CCDC6: variants seen among roughly 807,000 people sequenced by gnomAD.
CCDC6 encodes the protein coiled-coil domain-containing protein 6.
CCDC6 carries 20 observed loss-of-function variants against 56.6 expected under a neutral mutation model. The ratio of observed to expected loss-of-function variants is 0.35; its 90% CI spans 0.25 to 0.51. The LOEUF (loss-of-function observed/expected upper bound fraction) is 0.51, where lower values mean the gene tolerates loss of function less well. CCDC6 is among the 20% of genes least tolerant of loss of function. CCDC6 has a pLI of 0.95. For synonymous variants in CCDC6, 241 were observed against 234.4 expected (o/e 1.03, Z -0.26); for missense variants, 367 against 601.1 (o/e 0.61, Z 4.07).
intron 1 of CCDC6, among the ~76,000 whole-genome samples, chr10:59,859,195 T>TGC (rs59814057): frequency 0.024 from 2,858 of 118,378 alleles, 64 homozygotes; most frequent in African/African-American, 0.065. Context: ...AATACATGTG[T>TGC]GTGCGTGTGT....
chr10:59,846,654 T>C (rs2070995032), intron 2 of CCDC6, among the ~76,000 whole-genome samples: 1 of 152,226 alleles, frequency 6.6e-6, no homozygotes, highest in Non-Finnish European at 1.5e-5. Context: ...CAGCATTATT[T>C]TCTCAGAATC....
rs368004720 is a variant in CCDC6 at position 59,844,367 on chromosome 10, G to GA, written c.453+8185dup. On this transcript the variant is annotated intron_variant, in intron 2 of 8. Transcript: ENST00000263102. ...AAGTTTGAGTTTCCTGGATTTCCAG[G>GA]AGCATGATGCCACTAAAAGCATTAA... is the stretch of plus-strand genomic sequence containing the variant. Among the ~76,000 whole-genome samples, 444 of 150,680 alleles carry GA rather than the reference G, an allele frequency of 2.9e-3. 3 individuals carry two copies. The highest frequency in any genetic ancestry group is 0.01 in the African/African-American group (428 of 40,822).
chr10:59,892,237 C>T (rs2071427369), intron 1 of CCDC6, among the ~76,000 whole-genome samples: 1 of 152,196 alleles, frequency 6.6e-6, no homozygotes, highest in Non-Finnish European at 1.5e-5. Context: ...GCCGATAGTA[C>T]TAAAGTCAGA....
intron 3 of CCDC6, among the ~76,000 whole-genome samples, chr10:59,829,541 T>A (rs140642133): frequency 2.0e-5 from 3 of 152,222 alleles, no homozygotes; most frequent in Non-Finnish European, 4.4e-5. Context: ...AAACGATAAA[T>A]GGATAATTGA....
Position 59,816,792 on chromosome 10 carries a change from T to C in CCDC6, c.583-2037A>G, listed in dbSNP as rs78567268. Among the ~76,000 whole-genome samples, 193 of 152,318 alleles carry C rather than the reference T, an allele frequency of 1.3e-3. 7 individuals are homozygous for C. In the East Asian group the frequency reaches 0.032, roughly 26 times the overall value. ...GACTTGTCTTGTCTGTTTCATTCCT[T>C]AGTACATCCTCAGTATCTAGAATAA... On this transcript the variant is annotated intron_variant, in intron 3 of 8. Transcript: ENST00000263102.
intron 1 of CCDC6, among the ~76,000 whole-genome samples, chr10:59,873,528 C>T (rs2071250560): frequency 6.6e-6 from 1 of 152,114 alleles, no homozygotes; most frequent in Non-Finnish European, 1.5e-5. Context: ...CTGGCCCCTC[C>T]AGAACTGTGA....
intron 1 of CCDC6, among the ~76,000 whole-genome samples, chr10:59,904,887 C>T (rs1051218015): frequency 3.3e-5 from 5 of 152,262 alleles, no homozygotes; most frequent in African/African-American, 9.6e-5. Flanking sequence ...CACATATACA[C>T]AGCCTCCTCC....
At chr10:59,873,172 T>C (rs1430889928) in intron 1 of CCDC6, among the ~76,000 whole-genome samples, 3 of 152,184 alleles carry the variant, frequency 2.0e-5, no homozygotes, top group African/African-American at 7.2e-5. Flanking sequence ...TTTTATGGGA[T>C]GGACTGTGTC....
At chr10:59,899,022 T>C (rs986351471) in intron 1 of CCDC6, among the ~76,000 whole-genome samples, 2 of 152,176 alleles carry the variant, frequency 1.3e-5, no homozygotes, top group African/African-American at 4.8e-5. Context: ...AAAGTGACCT[T>C]TGCAATTTAC....
At chr10:59,813,718 C>T (rs1037142317) in intron 4 of CCDC6, among the ~76,000 whole-genome samples, 5 of 152,154 alleles carry the variant, frequency 3.3e-5, no homozygotes, top group African/African-American at 7.2e-5. Flanking sequence ...AATGACTTTT[C>T]GTAATTCAAC....
At chr10:59,836,052 T>TTAAA (rs777308614) in intron 2 of CCDC6, among the ~76,000 whole-genome samples, 1,105 of 57,570 alleles carry the variant, frequency 0.019, 24 homozygotes, top group African/African-American at 0.066. Context: ...CGACCCTGTC[T>TTAAA]AAAAAAAAAA....
At chr10:59,886,490 C>A (rs890084909) in intron 1 of CCDC6, among the ~76,000 whole-genome samples, 1 of 152,210 alleles carries the variant, frequency 6.6e-6, no homozygotes, top group Non-Finnish European at 1.5e-5. Flanking sequence ...TACTTCTACA[C>A]ACTCTTCTGA....
intron 2 of CCDC6, among the ~76,000 whole-genome samples, chr10:59,835,879 G>T (rs1362456268): frequency 1.3e-5 from 2 of 151,944 alleles, no homozygotes; most frequent in Non-Finnish European, 2.9e-5. Flanking sequence ...GCAACAGAGT[G>T]AGGCTCTGTC....
At chr10:59,873,845 A>G (rs1213946554) in intron 1 of CCDC6, among the ~76,000 whole-genome samples, 5 of 152,238 alleles carry the variant, frequency 3.3e-5, no homozygotes, top group Admixed American at 6.5e-5. Flanking sequence ...GACAGAGAAC[A>G]CATATGTAGC....
At chr10:59,877,390 G>A (rs1223998735) in intron 1 of CCDC6, among the ~76,000 whole-genome samples, 1 of 152,214 alleles carries the variant, frequency 6.6e-6, no homozygotes, top group Non-Finnish European at 1.5e-5. Context: ...AATAAATGGA[G>A]GTGGTTCTTC....
At chr10:59,866,001 A>T (rs550202628) in intron 1 of CCDC6, among the ~76,000 whole-genome samples, 1 of 152,254 alleles carries the variant, frequency 6.6e-6, no homozygotes, top group Non-Finnish European at 1.5e-5. Flanking sequence ...CACTAGCCCC[A>T]GAAGTTTATC....
At chr10:59,803,500 A>T (rs1156595753) in intron 7 of CCDC6, among the ~76,000 whole-genome samples, 1 of 152,170 alleles carries the variant, frequency 6.6e-6, no homozygotes, top group Non-Finnish European at 1.5e-5. Flanking sequence ...CTCTGCTGAA[A>T]ATCTGCTTAC....
At chr10:59,898,026 C>A (rs2071476968) in intron 1 of CCDC6, among the ~76,000 whole-genome samples, 1 of 152,154 alleles carries the variant, frequency 6.6e-6, no homozygotes, top group African/African-American at 2.4e-5. Context: ...AAGATTAGCC[C>A]ATCAATCAGC....
chr10:59,897,135 G>C (rs1125168), intron 1 of CCDC6, among the ~76,000 whole-genome samples: 13,333 of 152,202 alleles, frequency 0.088, 720 homozygotes, highest in African/African-American at 0.14. Context: ...GTGAAGACAC[G>C]ATGTTTTGAC....
Sources: gnomAD v4.1 joint callset for allele counts (sites outside exome capture counted in the v4.1 genomes callset) on GRCh38, gnomAD v4.1.1 for gene constraint, MANE v1.5 for transcripts, NCBI Gene and HGNC (gene_info 2026-07-23, HGNC 2026-07-21) for gene names.